SAMM50: variants seen among roughly 807,000 people sequenced by gnomAD.
The protein encoded by SAMM50 is sorting and assembly machinery component 50 homolog.
SAMM50 carries 47 observed loss-of-function variants against 66.9 expected under a neutral mutation model. The observed-to-expected ratio is 0.70, with a 90% CI of 0.56 to 0.90. The LOEUF (loss-of-function observed/expected upper bound fraction) is 0.90. Ranked by LOEUF, SAMM50 falls within the 40% of genes least tolerant of loss-of-function variation. The pLI is 0.00. For synonymous variants in SAMM50, 191 were observed against 214.1 expected, an observed-to-expected ratio of 0.89 and a Z score of 0.94; for missense variants, 535 against 595.3, an observed-to-expected ratio of 0.90 and a Z score of 1.05.
chr22:43,957,986 C>T (rs2146803396), intron 1 of SAMM50, among the ~76,000 whole-genome samples: 1 of 152,260 alleles, frequency 6.6e-6, no homozygotes, highest in Non-Finnish European at 1.5e-5. Flanking sequence ...ATCTCCTGAC[C>T]TTGTGATCCG....
intron 12 of SAMM50, chr22:43,986,478 A>G (rs1367795453): frequency 1.3e-5 from 2 of 152,056 alleles, no homozygotes; most frequent in South Asian, 2.1e-4. Flanking sequence ...GTATCTCCAC[A>G]TGCTATGGAA....
chr22:43,988,108 A>G (rs1354041533), intron 12 of SAMM50: 2 of 152,202 alleles, frequency 1.3e-5, no homozygotes, highest in East Asian at 3.8e-4. Context: ...AGTATATTTA[A>G]CTTTTATGTT....
intron 12 of SAMM50, among the ~76,000 whole-genome samples, chr22:43,984,470 G>A (rs2050281433): frequency 6.6e-6 from 1 of 151,134 alleles, no homozygotes; most frequent in Non-Finnish European, 1.5e-5. Flanking sequence ...CCGCCACCAT[G>A]CCTAGCTAAT....
At chr22:43,969,048 C>G (rs954916330) in intron 4 of SAMM50, among the ~76,000 whole-genome samples, 20 of 152,172 alleles carry the variant, frequency 1.3e-4, no homozygotes, top group African/African-American at 4.3e-4. Flanking sequence ...GTCTGGAACT[C>G]CTGTGCTCAA....
At chr22:43,990,128 A>T in intron 13 of SAMM50, 137 bp from the exon 14 acceptor site, 1 of 919,664 alleles carries the variant, frequency 1.1e-6, no homozygotes, top group South Asian at 1.7e-5. Context: ...CACTTCATGC[A>T]TCCTCCCTAA....
chr22:43,992,379 C>T (rs763945123), intron 14 of SAMM50, among the ~76,000 whole-genome samples: 2 of 152,250 alleles, frequency 1.3e-5, no homozygotes, highest in South Asian at 4.1e-4. Flanking sequence ...TCTGGGGACA[C>T]GGCAGGGGCT....
At chr22:43,956,421 G>T (rs551060059) in intron 1 of SAMM50, among the ~76,000 whole-genome samples, 1 of 152,288 alleles carries the variant, frequency 6.6e-6, no homozygotes, top group East Asian at 1.9e-4. Context: ...CACAGAAGTC[G>T]CAGCCTGACA....
rs2050277745 is a variant in SAMM50, at chr22:43,983,960, C to A, written c.1035C>A (p.Ile345=). Residue 345 remains isoleucine (I), a synonymous_variant, in exon 12 of 15, where the codon ATC becomes ATA. Transcript: ENST00000350028. The surrounding 1 kb of genome is among the most constrained non-coding windows in gnomAD (Gnocchi z 4.2). ...TTTACCTTGGGGGACCCACAAGCAT[C>A]CGCGGATTCAGCATGCACAGCATCG... ...DRFYLGGPTS[I]RGFSMHSIGP... is the part of the protein sequence containing the mutation. 6.2e-7 allele frequency: 1 copy of A among 1,611,906 alleles called. No individual in the cohort carries two copies. The highest frequency in any genetic ancestry group is 8.5e-7 in the Non-Finnish European group (1 of 1,179,216).
chr22:43,969,766 C>G (rs560416562), intron 4 of SAMM50, among the ~76,000 whole-genome samples: 1 of 152,060 alleles, frequency 6.6e-6, no homozygotes, highest in Non-Finnish European at 1.5e-5. Flanking sequence ...GAGAGTGGCT[C>G]GCTGGGTGGA....
intron 7 of SAMM50, chr22:43,975,333 G>C (rs2050225658): frequency 6.6e-6 from 1 of 152,296 alleles, no homozygotes; most frequent in Non-Finnish European, 1.5e-5. Context: ...GGGCTAGAGA[G>C]GGCCCAGCAT....
At chr22:43,995,762 C>T (rs1414155072) in intron 14 of SAMM50, among the ~76,000 whole-genome samples, 1 of 152,258 alleles carries the variant, frequency 6.6e-6, no homozygotes, top group Non-Finnish European at 1.5e-5. Flanking sequence ...TTCTTAACCA[C>T]TGTGTGGAGT....
chr22:43,960,609 A>C (rs1603418537), intron 1 of SAMM50, among the ~76,000 whole-genome samples: 1 of 152,118 alleles, frequency 6.6e-6, no homozygotes, highest in African/African-American at 2.4e-5. Flanking sequence ...CGCACCTGTA[A>C]TCCCAGCTAG....
At chr22:43,977,316 G>A (rs923140529) in intron 9 of SAMM50, among the ~76,000 whole-genome samples, 1 of 152,142 alleles carries the variant, frequency 6.6e-6, no homozygotes, top group African/African-American at 2.4e-5. Flanking sequence ...TTACTGTAAG[G>A]TACCTACAAG....
intron 14 of SAMM50, among the ~76,000 whole-genome samples, chr22:43,994,001 G>A (rs1446772359): frequency 5.3e-5 from 8 of 152,232 alleles, no homozygotes; most frequent in Non-Finnish European, 1.0e-4. Context: ...GAGACACAGG[G>A]CTGAATCAGG....
At chr22:43,977,704 C>T (rs1449901442) in intron 9 of SAMM50, among the ~76,000 whole-genome samples, 168 bp from the exon 10 acceptor site, 3 of 152,218 alleles carry the variant, frequency 2.0e-5, no homozygotes, top group African/African-American at 4.8e-5. Context: ...AGTCCGTCCA[C>T]TGTTGCTGTC....
In SAMM50 at chr22:43,976,058, C is replaced by G; in HGVS notation, c.652C>G (p.Pro218Ala). 1 of 1,609,180 alleles carries G rather than the reference C, an allele frequency of 6.2e-7. No individual in the cohort carries two copies. The highest frequency in any genetic ancestry group is 1.1e-5 in the South Asian group (1 of 90,914). Reference protein sequence around the residue: ...DRGMSAEYSFPIWKTSHTVKW... With the variant: ...DRGMSAEYSFAIWKTSHTVKW... ...ATGTCTGATCTCCATGTTGCAGTTT[C>G]CCATATGGAAGACCAGCCACACTGT... Residue 218 changes from proline (P) to alanine (A), a missense_variant, in exon 8 of 15, where the codon CCC (proline) becomes GCC (alanine). By Grantham distance (27) the Pro-to-Ala change is conservative (BLOSUM62 -1). Coordinates refer to ENST00000350028, the MANE Select transcript of SAMM50 (RefSeq NM_015380.5).
In SAMM50 at chr22:43,996,341, A is replaced by G. The variant is rs2050354788; in HGVS notation, c.1368A>G (p.Ile456Met). The stretch of plus-strand genomic sequence containing the variant: ...CTGATCTCTCCCCTTTTTTTAGGAT[A>G]TGTGATGGCGTCCAGTTTGGAGCTG... Reference protein sequence around the residue: ...VPMGVQTGDRICDGVQFGAGI... With the variant: ...VPMGVQTGDRMCDGVQFGAGI... Residue 456 changes from isoleucine to methionine, a missense_variant, in exon 15 of 15, where the codon ATA (isoleucine) becomes ATG (methionine). By Grantham distance (10) the Ile-to-Met change is conservative. Transcript: ENST00000350028. The G allele has an allele frequency of 1.2e-6, 2 of 1,613,938 alleles. No homozygotes were observed. Among genetic ancestry groups the G allele is most frequent in the African/African-American group, 2.7e-5 (2 of 74,888 alleles).
chr22:43,995,400 G>A (rs2050347614), intron 14 of SAMM50: 1 of 152,254 alleles, frequency 6.6e-6, no homozygotes, highest in African/African-American at 2.4e-5. Context: ...GCCTTTTCTA[G>A]AAATTGCCCA....
chr22:43,983,236 G>A lies in SAMM50; in HGVS notation c.1008-697G>A, dbSNP rs1032607546. Among the ~76,000 whole-genome samples the A allele has an allele frequency of 1.3e-5, 2 of 152,066 alleles. No individual in the cohort carries two copies. Among genetic ancestry groups the A allele is most frequent in the Non-Finnish European group, 2.9e-5 (2 of 68,006 alleles). On this transcript the variant is annotated intron_variant, in intron 11 of 14. Transcript: ENST00000350028. The surrounding 1 kb of genome is among the most constrained non-coding windows in gnomAD (Gnocchi z 4.2). ...TTGTGTCCTTGGCTGCCTCTTGGCTGGAAAGATTACACAGAATTTCTCTTG... is the reference window on the plus strand; with the variant it reads ...TTGTGTCCTTGGCTGCCTCTTGGCTAGAAAGATTACACAGAATTTCTCTTG...
Sources: allele counts gnomAD v4.1 joint callset (sites outside exome capture counted in the v4.1 genomes callset), GRCh38; gene constraint gnomAD v4.1.1; non-coding constraint Gnocchi (gnomAD v3.1); transcripts MANE v1.5; gene names NCBI Gene and HGNC (gene_info 2026-07-23, HGNC 2026-07-21).